LSG1: variants seen among roughly 807,000 people sequenced by gnomAD.
LSG1 encodes the protein large subunit GTPase 1 homolog.
In LSG1, 55 loss-of-function variants were observed where a neutral mutation model predicts 82.6. That is an observed-to-expected ratio of 0.67 (90% CI 0.54 to 0.83). LSG1 has a LOEUF of 0.83. LSG1 is among the 40% of genes least tolerant of loss of function. The pLI, the probability that LSG1 is intolerant of heterozygous loss-of-function variation, is 0.00. For synonymous variants in LSG1, 272 were observed against 282.5 expected, an observed-to-expected ratio of 0.96 and a Z score of 0.37; for missense variants, 809 against 807.9, an observed-to-expected ratio of 1.00 and a Z score of -0.02.
At chr3:194,671,494 A>G (rs1201266281) in intron 1 of LSG1, among the ~76,000 whole-genome samples, 3 of 152,168 alleles carry the variant, frequency 2.0e-5, no homozygotes, top group African/African-American at 7.2e-5. Context: ...TGGTGAAAAT[A>G]ACGACTAGAA....
At chr3:194,660,274 C>A in intron 5 of LSG1, 141 bp from the exon 6 acceptor site, 2 of 687,954 alleles carry the variant, frequency 2.9e-6, no homozygotes, top group East Asian at 2.8e-5. Context: ...TAATTATTCC[C>A]GGTTTATATA....
intron 13 of LSG1, 126 bp from the exon 14 acceptor site, chr3:194,642,373 C>G (rs1718417067): frequency 4.7e-6 from 3 of 639,614 alleles, no homozygotes; most frequent in East Asian, 3.0e-5. Context: ...TTCCGCCCCC[C>G]TCCCCTTCAC....
In LSG1 at chr3:194,644,589, T is replaced by C. The variant is rs1187171468; in HGVS notation, c.1781A>G (p.Lys594Arg). 3.1e-6 allele frequency: 5 copies of C among 1,610,152 alleles called. No homozygotes were observed. Among genetic ancestry groups the C allele is most frequent in the Non-Finnish European group, 4.2e-6 (5 of 1,178,946 alleles). The change falls in exon 13 of 14, where the codon AAA (lysine) becomes AGA (arginine). Residue 594 changes from lysine (K) to arginine (R), a missense_variant. Physicochemically the swap from Lys to Arg is conservative, Grantham distance 26. Coordinates refer to ENST00000265245, the MANE Select transcript of LSG1 (RefSeq NM_018385.3). ...AAAACTTACTTGATGGAAAAAAGTT[T>C]TGTCAACGATATTTTCAATCTGCTT... is the stretch of plus-strand genomic sequence containing the variant. ...KAKQIENIVD[K>R]TFFHQENVRA...
chr3:194,648,829 C>T (rs781092333), intron 10 of LSG1, 25 bp from the exon 11 acceptor site: 12 of 1,613,272 alleles, frequency 7.4e-6, no homozygotes, highest in Non-Finnish European at 9.3e-6. Context: ...AATCCATTCT[C>T]TTGAACGGAC....
chr3:194,667,942 A>AAAAAAAATATATATAT (rs1416407494), intron 2 of LSG1, among the ~76,000 whole-genome samples: 3 of 86,960 alleles, frequency 3.4e-5, no homozygotes, highest in Non-Finnish European at 6.1e-5. Flanking sequence ...AAAAAAAAAA[A>AAAAAAAATATATATAT]ATATATATAT....
intron 4 of LSG1, among the ~76,000 whole-genome samples, 161 bp downstream of exon 4, chr3:194,666,042 C>A (rs73890198): frequency 0.082 from 12,484 of 152,276 alleles, 589 homozygotes; most frequent in African/African-American, 0.12. Context: ...TTGCACCTAG[C>A]AATCTTGTTT....
Position 194,642,040 on chromosome 3 carries a change from CAGATGACA to C in LSG1, c.*20_*27del, listed in dbSNP as rs762724082. 1 of 1,608,510 alleles carries C rather than the reference CAGATGACA, an allele frequency of 6.2e-7. No homozygotes were observed. The highest frequency in any genetic ancestry group is 1.1e-5 in the South Asian group (1 of 90,504). ...TCTGCTCTTTTCCATCTGCACAATG[CAGATGACA>C]TTTCTGTTGCAGCCCAACCTCACAT... On this transcript the variant is annotated 3_prime_UTR_variant, in exon 14 of 14. Coordinates refer to ENST00000265245, the MANE Select transcript of LSG1 (RefSeq NM_018385.3).
At chr3:194,652,670 G>A (rs1718699518) in intron 8 of LSG1, 59 bp downstream of exon 8, 1 of 1,550,364 alleles carries the variant, frequency 6.5e-7, no homozygotes, top group Non-Finnish European at 8.7e-7. Flanking sequence ...TGCAGCTACT[G>A]AAAAATGGGG....
chr3:194,644,239 G>A (rs945331154), intron 13 of LSG1, among the ~76,000 whole-genome samples: 19 of 151,516 alleles, frequency 1.3e-4, no homozygotes, highest in Non-Finnish European at 2.7e-4. Context: ...GCGGGCGCCT[G>A]TAGTCCCAGC....
intron 12 of LSG1, 65 bp from the exon 13 acceptor site, chr3:194,644,811 G>T: frequency 7.4e-7 from 1 of 1,342,366 alleles, no homozygotes; most frequent in African/African-American, 1.5e-5. Flanking sequence ...AGAGGAGACA[G>T]CTCCACCCAG....
intron 5 of LSG1, among the ~76,000 whole-genome samples, chr3:194,662,052 A>G (rs1037827045): frequency 6.6e-6 from 1 of 152,238 alleles, no homozygotes; most frequent in African/African-American, 2.4e-5. Context: ...CAGCAACCAA[A>G]TGTCAAACCA....
At chr3:194,665,521 A>G (rs756874919) in intron 5 of LSG1, 36 bp downstream of exon 5, 1 of 1,485,752 alleles carries the variant, frequency 6.7e-7, no homozygotes, top group Non-Finnish European at 9.3e-7. Context: ...ACTTCACTAC[A>G]ATGTCTTTAT....
At chr3:194,653,501 AAGGCTCTGTCT>A (rs1244909932) in intron 7 of LSG1, among the ~76,000 whole-genome samples, 17 of 141,530 alleles carry the variant, frequency 1.2e-4, no homozygotes, top group Non-Finnish European at 2.2e-4. Flanking sequence ...GGCAACAGAC[AAGGCTCTGTCT>A]CACAAAAAAA....
chr3:194,650,966 G>A lies in LSG1; in HGVS notation c.1334C>T (p.Ser445Phe). The A allele has an allele frequency of 6.2e-7, 1 of 1,614,192 alleles. No individual in the cohort carries two copies. Among genetic ancestry groups the A allele is most frequent in the East Asian group, 2.2e-5 (1 of 44,888 alleles). Residue 445 changes from serine to phenylalanine, a missense_variant, in exon 10 of 14, where the codon TCT becomes TTT. Ser to Phe is a radical substitution (Grantham distance 155). Coordinates refer to ENST00000265245, the MANE Select transcript of LSG1 (RefSeq NM_018385.3). ...LCDCPGLVMP[S>F]FVSTKAEMTC... The stretch of plus-strand genomic sequence containing the variant: ...CATTTCTGCCTTGGTAGACACAAAA[G>A]ATGGCATCACCAAGCCAGGACAGTC...
chr3:194,669,486 C>A (rs1322993431), intron 2 of LSG1, among the ~76,000 whole-genome samples: 1 of 152,178 alleles, frequency 6.6e-6, no homozygotes, highest in African/African-American at 2.4e-5. Flanking sequence ...TCCTCAGCAC[C>A]TGTGCTCATC....
At chr3:194,645,690 GA>G (rs912408907) in intron 12 of LSG1, among the ~76,000 whole-genome samples, 8 of 151,848 alleles carry the variant, frequency 5.3e-5, no homozygotes, top group African/African-American at 1.9e-4. Flanking sequence ...TTACTATGGG[GA>G]AACCCCCAAA....
intron 7 of LSG1, among the ~76,000 whole-genome samples, chr3:194,657,405 A>T (rs1365291341): frequency 6.6e-6 from 1 of 152,090 alleles, no homozygotes; most frequent in East Asian, 1.9e-4. Flanking sequence ...AAGTTGAGGT[A>T]AAACAGAACA....
At chr3:194,658,933 A>C (rs1343165591) in intron 7 of LSG1, 24 bp downstream of exon 7, 3 of 1,572,470 alleles carry the variant, frequency 1.9e-6, no homozygotes, top group Non-Finnish European at 2.6e-6. Context: ...TTTGAAAGCC[A>C]ACCTAAAATG....
At chr3:194,659,158 A>G in intron 6 of LSG1, 25 bp from the exon 7 acceptor site, 1 of 1,570,818 alleles carries the variant, frequency 6.4e-7, no homozygotes, top group Non-Finnish European at 8.7e-7. Flanking sequence ...GAGATTTAGA[A>G]AGACCTCTTC....
Sources: gnomAD v4.1 joint callset for allele counts (sites outside exome capture counted in the v4.1 genomes callset) on GRCh38, gnomAD v4.1.1 for gene constraint, MANE v1.5 for transcripts, NCBI Gene and HGNC (gene_info 2026-07-23, HGNC 2026-07-21) for gene names.